The following SOX5 variants were observed in gnomAD, a reference collection of about 807,000 sequenced individuals.
SOX5 encodes the protein SRY-box transcription factor 5, also known as transcription factor SOX-5.
A neutral mutation model predicts 92.0 loss-of-function variants in SOX5; 9 were observed. The observed-to-expected ratio is 0.10, with a 90% CI of 0.06 to 0.17. The LOEUF is 0.17. Ranked by LOEUF, SOX5 falls within the 10% of genes least tolerant of loss-of-function variation. The pLI is 1.00. For synonymous variants in SOX5, 344 were observed against 336.3 expected, an observed-to-expected ratio of 1.02 and a Z score of -0.25; for missense variants, 642 against 944.5, an observed-to-expected ratio of 0.68 and a Z score of 4.20.
chr12:24,011,733 A>T (rs936825811), intron 4 of SOX5, among the ~76,000 whole-genome samples: 1 of 152,166 alleles, frequency 6.6e-6, no homozygotes, highest in African/African-American at 2.4e-5. Flanking sequence ...ACAATTAAGG[A>T]TAGTAAAGTA....
chr12:23,552,232 A>G (rs1316213485), intron 11 of SOX5, among the ~76,000 whole-genome samples: 1 of 151,942 alleles, frequency 6.6e-6, no homozygotes, highest in African/African-American at 2.4e-5. Context: ...TATACTCCAG[A>G]AAAGATGGGG....
intron 1 of SOX5, among the ~76,000 whole-genome samples, chr12:24,440,388 G>A (rs113108335): frequency 8.5e-5 from 13 of 152,206 alleles, no homozygotes; most frequent in African/African-American, 2.4e-4. Flanking sequence ...CACAGGATCC[G>A]CAGATGACCT....
intron 4 of SOX5, among the ~76,000 whole-genome samples, chr12:24,174,209 G>C (rs1402024333): frequency 6.6e-6 from 1 of 152,082 alleles, no homozygotes; most frequent in Non-Finnish European, 1.5e-5. Context: ...TGTTTGCCCA[G>C]GATGGTCTCG....
rs905152302 is a variant in SOX5, at chr12:23,949,647, C to G, written c.-46G>C. ...CTTTGTCACAGCAGCCACCTATGAT[C>G]GTCTCCAACTGAACCTGTCAAGTGA... On this transcript the variant is annotated 5_prime_UTR_variant, in exon 1 of 15. Coordinates refer to ENST00000451604, the MANE Select transcript of SOX5 (RefSeq NM_006940.6). 7 of 1,613,216 alleles carry G rather than the reference C, an allele frequency of 4.3e-6. No individual in the cohort carries two copies. Among genetic ancestry groups the G allele is most frequent in the Middle Eastern group, 1.6e-4 (1 of 6,080 alleles).
chr12:24,209,030 T>C (rs1958311075), intron 4 of SOX5, among the ~76,000 whole-genome samples: 1 of 152,110 alleles, frequency 6.6e-6, no homozygotes, highest in Non-Finnish European at 1.5e-5. Context: ...TTTAGGGAAA[T>C]TTGTACATGA....
chr12:23,726,695 C>A (rs1280698938), intron 6 of SOX5, among the ~76,000 whole-genome samples: 1 of 152,008 alleles, frequency 6.6e-6, no homozygotes, highest in Non-Finnish European at 1.5e-5. Context: ...TCAAGTTTGT[C>A]CACAGGTAAT....
chr12:23,704,881 A>T (rs1263220832), intron 6 of SOX5, among the ~76,000 whole-genome samples: 7 of 150,162 alleles, frequency 4.7e-5, no homozygotes, highest in South Asian at 4.2e-4. Context: ...ATTCTGTTAA[A>T]TTTTTTTTTG....
chr12:24,246,682 G>T (rs936938941), intron 3 of SOX5, among the ~76,000 whole-genome samples: 2 of 151,912 alleles, frequency 1.3e-5, no homozygotes, highest in African/African-American at 4.8e-5. Flanking sequence ...CACAAATTGA[G>T]AAAAAAGAAT....
intron 4 of SOX5, among the ~76,000 whole-genome samples, chr12:23,979,354 G>A (rs1221824848): frequency 6.6e-6 from 1 of 151,816 alleles, no homozygotes; most frequent in Non-Finnish European, 1.5e-5. Context: ...CTCCTGAGTA[G>A]TTGGGATTAC....
At chr12:23,824,300 T>C (rs1594796355) in intron 3 of SOX5, among the ~76,000 whole-genome samples, 2 of 152,226 alleles carry the variant, frequency 1.3e-5, no homozygotes, top group African/African-American at 4.8e-5. Context: ...GATGGAGTTT[T>C]TGCATGGTTG....
Position 24,122,513 on chromosome 12 carries a change from G to A in SOX5, c.-2+90830C>T, listed in dbSNP as rs1306773435. 2.0e-5 allele frequency among the ~76,000 whole-genome samples: 3 copies of A among 152,166 alleles called. No individual in the cohort carries two copies. In the East Asian group the frequency reaches 5.8e-4, roughly 29 times the overall value. On this transcript the variant is annotated intron_variant, in intron 4 of 4. Coordinates refer to the SOX5 transcript ENST00000446891. Reference sequence around the variant, plus strand: ...AAAACATGCTATCACCCCAAGCATAGTAATTATTTAGTGGCGCATTACACT... The same window carrying A: ...AAAACATGCTATCACCCCAAGCATAATAATTATTTAGTGGCGCATTACACT...
intron 1 of SOX5, among the ~76,000 whole-genome samples, chr12:24,492,101 A>G (rs935888517): frequency 2.0e-5 from 3 of 152,142 alleles, no homozygotes; most frequent in African/African-American, 7.2e-5. Context: ...ACCTTACTCA[A>G]ACTAATCAAA....
At chr12:23,892,888 T>C (rs1333386046) in intron 2 of SOX5, among the ~76,000 whole-genome samples, 3 of 152,188 alleles carry the variant, frequency 2.0e-5, no homozygotes, top group Admixed American at 6.5e-5. Context: ...AATTCGTTTT[T>C]AGGAGAACTA....
At chr12:23,888,060 G>C (rs550210162) in intron 2 of SOX5, among the ~76,000 whole-genome samples, 1 of 151,868 alleles carries the variant, frequency 6.6e-6, no homozygotes, top group South Asian at 2.1e-4. Flanking sequence ...CCTGTATCAG[G>C]GTTCTAATAT....
At chr12:23,979,907 G>A (rs77673822) in intron 4 of SOX5, among the ~76,000 whole-genome samples, 4 of 12,306 alleles carry the variant, frequency 3.3e-4, no homozygotes, top group East Asian at 0.025. Context: ...CTGGCTGGCT[G>A]GCTGGCCAGA....
intron 4 of SOX5, among the ~76,000 whole-genome samples, chr12:24,175,295 AG>A (rs1268881977): frequency 3.3e-5 from 5 of 152,262 alleles, no homozygotes; most frequent in African/African-American, 1.2e-4. Context: ...GTAATATCTA[AG>A]TGGGGAACCC....
chr12:23,852,520 G>C (rs547333942), intron 2 of SOX5, among the ~76,000 whole-genome samples: 1 of 152,014 alleles, frequency 6.6e-6, no homozygotes, highest in Non-Finnish European at 1.5e-5. Context: ...CTCTTTTAAA[G>C]ATTGCTATTC....
At chr12:24,060,722 T>C (rs1939514411) in intron 4 of SOX5, among the ~76,000 whole-genome samples, 1 of 152,170 alleles carries the variant, frequency 6.6e-6, no homozygotes, top group African/African-American at 2.4e-5. Context: ...AACTAATGGG[T>C]TCTCTATGCG....
intron 4 of SOX5, chr12:24,212,501 G>C (rs747156314): frequency 1.9e-6 from 1 of 532,904 alleles, no homozygotes; most frequent in South Asian, 1.4e-5. Flanking sequence ...ACACGGGAGG[G>C]GTTACAAGGA....
Sources: allele counts gnomAD v4.1 joint callset (sites outside exome capture counted in the v4.1 genomes callset), GRCh38; gene constraint gnomAD v4.1.1; transcripts MANE v1.5; gene names NCBI Gene and HGNC (gene_info 2026-07-23, HGNC 2026-07-21).